TBL1X: variants seen among roughly 807,000 people sequenced by gnomAD.
TBL1X encodes the protein F-box-like/WD repeat-containing protein TBL1X.
In TBL1X, 10 loss-of-function variants were observed where a neutral mutation model predicts 50.7. That is an observed-to-expected ratio of 0.20 (90% confidence interval 0.12 to 0.33). The LOEUF is 0.33. TBL1X is among the 10% of genes least tolerant of loss of function. TBL1X has a pLI of 1.00. For missense variants in TBL1X, 340 were observed against 504.4 expected (o/e 0.67, Z 3.12); for synonymous variants, 190 against 214.7 (o/e 0.88, Z 1.01).
chrX:9,547,859 C>T (rs2082252624), intron 2 of TBL1X, among the ~76,000 whole-genome samples: 2 of 100,816 alleles, frequency 2.0e-5, no homozygotes, highest in Admixed American at 2.3e-4. Context: ...TTCACACTGT[C>T]CCTCCCTCTC....
At chrX:9,619,072 A>G (rs1440047894) in intron 2 of TBL1X, among the ~76,000 whole-genome samples, 2 of 112,205 alleles carry the variant, frequency 1.8e-5, no homozygotes, top group Non-Finnish European at 3.8e-5. Context: ...ACTCTAGAAT[A>G]TGAATGATCA....
chrX:9,653,017 T>C (rs745840744), intron 3 of TBL1X, among the ~76,000 whole-genome samples: 2 of 110,786 alleles, frequency 1.8e-5, no homozygotes, highest in East Asian at 5.7e-4. Context: ...ATACAAAAAT[T>C]AGCCGGGCGT....
chrX:9,704,706 A>G (rs1318579219), intron 12 of TBL1X, among the ~76,000 whole-genome samples: 3 of 92,123 alleles, frequency 3.3e-5, no homozygotes, highest in African/African-American at 1.4e-4. Context: ...GCAATATAGC[A>G]AGAACTCGTC....
At chrX:9,534,528 C>T (rs2082178295) in intron 2 of TBL1X, among the ~76,000 whole-genome samples, 3 of 110,043 alleles carry the variant, frequency 2.7e-5, no homozygotes, top group Admixed American at 9.7e-5. Context: ...TACCAAACAC[C>T]CATTTAAGTG....
intron 2 of TBL1X, among the ~76,000 whole-genome samples, chrX:9,547,239 G>C (rs1159551398): frequency 1.8e-5 from 2 of 111,639 alleles, no homozygotes; most frequent in African/African-American, 6.5e-5. Flanking sequence ...GTGTTCTTCT[G>C]TCACGCCCCC....
chrX:9,689,979 T>C (rs1053429215), intron 7 of TBL1X, among the ~76,000 whole-genome samples: 3 of 112,566 alleles, frequency 2.7e-5, no homozygotes, highest in African/African-American at 9.7e-5. Context: ...CAGTGACACG[T>C]AACCTAAGAT....
chrX:9,652,012 G>A (rs2082838355), intron 3 of TBL1X, among the ~76,000 whole-genome samples: 1 of 111,975 alleles, frequency 8.9e-6, no homozygotes, highest in Non-Finnish European at 1.9e-5. Flanking sequence ...CAGCACAGCT[G>A]GGGCCAGTGC....
intron 2 of TBL1X, among the ~76,000 whole-genome samples, chrX:9,547,611 C>T (rs1434224018): frequency 3.6e-5 from 4 of 111,126 alleles, no homozygotes; most frequent in African/African-American, 1.3e-4. Context: ...TGAACCACTG[C>T]GCCTAGCCTC....
At position 9,693,977 on chromosome X, in the gene TBL1X, C is replaced by T. The variant is rs1356992355; in HGVS notation, c.1053+558C>T. Among the ~76,000 whole-genome samples, 3 of 111,709 alleles carry T rather than the reference C, an allele frequency of 2.7e-5. No individual in the cohort carries two copies. The East Asian group carries it at 8.5e-4, about 32-fold the overall frequency. The stretch of plus-strand genomic sequence containing the variant: ...CTGCAGGGAGACACGGTAGTGTTAA[C>T]TCCAGGTGCATGTAAAAGCCATCAA... On this transcript the variant is annotated intron_variant, in intron 11 of 17. Transcript: ENST00000645353.
intron 5 of TBL1X, among the ~76,000 whole-genome samples, chrX:9,663,734 C>T (rs2082911334): frequency 9.9e-6 from 1 of 100,668 alleles, no homozygotes; most frequent in Non-Finnish European, 2.0e-5. Flanking sequence ...GCACTCCAGC[C>T]TGGGCGACAG....
In TBL1X at chrX:9,605,287, G is replaced by A. The variant is rs942585046; in HGVS notation, c.-130-34986G>A. ...GAGCATGTGAACGTCCGTAAGTTCC[G>A]CCTATTCTGGGTATGATGTCACACT... is the stretch of plus-strand genomic sequence containing the variant. On this transcript the variant is annotated intron_variant, in intron 2 of 17. Coordinates refer to ENST00000645353, the MANE Select transcript of TBL1X (RefSeq NM_005647.4). Among the ~76,000 whole-genome samples the A allele has an allele frequency of 8.9e-5, 10 of 111,862 alleles. 1 individual carries two copies. The highest frequency in any genetic ancestry group is 2.9e-4 in the African/African-American group (9 of 30,714).
chrX:9,491,324 A>T (rs1601711298), intron 1 of TBL1X, among the ~76,000 whole-genome samples: 1 of 67,830 alleles, frequency 1.5e-5, no homozygotes, highest in African/African-American at 7.0e-5. Flanking sequence ...ATATATATAT[A>T]TATATATATA....
intron 2 of TBL1X, among the ~76,000 whole-genome samples, chrX:9,607,494 G>A (rs2405800): frequency 0.51 from 57,069 of 111,839 alleles, 12,646 homozygotes; most frequent in African/African-American, 0.89. Flanking sequence ...CTCCAGGTAC[G>A]TGTCTGAGTT....
chrX:9,583,637 A>G (rs2238863), intron 2 of TBL1X, among the ~76,000 whole-genome samples: 21,222 of 111,946 alleles, frequency 0.19, 1,855 homozygotes, highest in Middle Eastern at 0.31. Context: ...GATTAAAATT[A>G]TATGTGAACC....
chrX:9,535,231 A>G (rs923916259), intron 2 of TBL1X, among the ~76,000 whole-genome samples: 2 of 111,370 alleles, frequency 1.8e-5, no homozygotes, highest in African/African-American at 6.5e-5. Flanking sequence ...CCTGCTGTGC[A>G]TGCCTGAGTA....
intron 2 of TBL1X, among the ~76,000 whole-genome samples, chrX:9,612,565 A>G (rs1285106958): frequency 1.8e-5 from 2 of 112,196 alleles, no homozygotes; most frequent in Admixed American, 9.5e-5. Flanking sequence ...ACGTATCCAA[A>G]ATGGCATCAT....
At chrX:9,527,158 G>A (rs1191722047) in intron 2 of TBL1X, among the ~76,000 whole-genome samples, 3 of 112,209 alleles carry the variant, frequency 2.7e-5, no homozygotes, top group African/African-American at 9.7e-5. Flanking sequence ...AGCCCACGTT[G>A]GTGTAGGGTG....
At chrX:9,555,993 G>C (rs1191660484) in intron 2 of TBL1X, among the ~76,000 whole-genome samples, 1 of 109,680 alleles carries the variant, frequency 9.1e-6, no homozygotes, top group African/African-American at 3.3e-5. Flanking sequence ...TTTGAGATCA[G>C]CCTGGGCAAC....
rs757221740 is a variant in TBL1X at position 9,662,971 on chromosome X, T to A, written c.211+8649T>A. 5.0e-3 allele frequency among the ~76,000 whole-genome samples: 553 copies of A among 111,329 alleles called. 4 individuals carry two copies. The highest frequency in any genetic ancestry group is 0.017 in the African/African-American group (526 of 30,637). ...GACCCTGTCTCTTAAAAATTTTTTT[T>A]AAAAATGGTTAGCATGATATATTTT... On this transcript the variant is annotated intron_variant, in intron 5 of 17. Coordinates refer to ENST00000645353, the MANE Select transcript of TBL1X (RefSeq NM_005647.4).
Sources: gnomAD v4.1 joint callset for allele counts (sites outside exome capture counted in the v4.1 genomes callset) on GRCh38, gnomAD v4.1.1 for gene constraint, MANE v1.5 for transcripts, NCBI Gene and HGNC (gene_info 2026-07-23, HGNC 2026-07-21) for gene names.